The following ITFG1 variants were observed in gnomAD, a reference collection of about 807,000 sequenced individuals.
ITFG1 encodes the protein T-cell immunomodulatory protein.
In ITFG1, 34 loss-of-function variants were observed where a neutral mutation model predicts 81.8. The observed-to-expected ratio is 0.42, with a 90% CI of 0.32 to 0.55. The LOEUF (loss-of-function observed/expected upper bound fraction) is 0.55. Ranked by LOEUF, ITFG1 falls within the 20% of genes least tolerant of loss-of-function variation. The pLI is 0.17. For synonymous variants in ITFG1, 285 were observed against 270.6 expected (o/e 1.05, Z -0.52); for missense variants, 672 against 755.4 (o/e 0.89, Z 1.29).
intron 13 of ITFG1, among the ~76,000 whole-genome samples, chr16:47,231,508 A>G (rs1157340275): frequency 6.6e-6 from 1 of 152,220 alleles, no homozygotes; most frequent in Non-Finnish European, 1.5e-5. Context: ...TATTTCATAA[A>G]TTTGTGATGT....
At chr16:47,332,084 C>T (rs1967644278) in intron 8 of ITFG1, among the ~76,000 whole-genome samples, 2 of 152,118 alleles carry the variant, frequency 1.3e-5, no homozygotes, top group Non-Finnish European at 2.9e-5. Flanking sequence ...TTTTCTCACT[C>T]TGACTAAATC....
intron 16 of ITFG1, chr16:47,161,408 A>G (rs935920330): frequency 1.2e-5 from 2 of 164,808 alleles, no homozygotes; most frequent in Admixed American, 5.9e-5. Flanking sequence ...CTTCTCAAAT[A>G]ATTTATTTAA....
intron 6 of ITFG1, among the ~76,000 whole-genome samples, chr16:47,376,377 T>C (rs1419852094): frequency 1.3e-5 from 2 of 152,194 alleles, no homozygotes; most frequent in Non-Finnish European, 2.9e-5. Flanking sequence ...CCAAAAGTTT[T>C]TGCACTCATG....
intron 6 of ITFG1, among the ~76,000 whole-genome samples, chr16:47,378,813 A>G (rs1968359724): frequency 6.6e-6 from 1 of 152,210 alleles, no homozygotes; most frequent in African/African-American, 2.4e-5. Context: ...TCAGACTTTG[A>G]ATGAAATGGG....
chr16:47,420,672 G>A (rs1223266340), intron 6 of ITFG1, among the ~76,000 whole-genome samples: 3 of 152,090 alleles, frequency 2.0e-5, no homozygotes, highest in African/African-American at 4.8e-5. Flanking sequence ...CCTCTCTCTC[G>A]TGTCCTATTT....
At chr16:47,226,906 T>TA (rs1451743752) in intron 13 of ITFG1, among the ~76,000 whole-genome samples, 1 of 152,180 alleles carries the variant, frequency 6.6e-6, no homozygotes, top group East Asian at 1.9e-4. Flanking sequence ...TATGTTAATA[T>TA]AATGGGTTAT....
At chr16:47,183,504 G>A (rs1308623030) in intron 14 of ITFG1, among the ~76,000 whole-genome samples, 2 of 152,206 alleles carry the variant, frequency 1.3e-5, no homozygotes, top group East Asian at 3.9e-4. Context: ...GCCTAACTGG[G>A]AGGCACCGCC....
chr16:47,382,573 G>T (rs1968408603), intron 6 of ITFG1, among the ~76,000 whole-genome samples: 1 of 150,368 alleles, frequency 6.7e-6, no homozygotes, highest in Non-Finnish European at 1.5e-5. Context: ...AGGCACACAA[G>T]GCTGAAATCA....
At chr16:47,237,604 T>C (rs973860700) in intron 13 of ITFG1, among the ~76,000 whole-genome samples, 1 of 152,204 alleles carries the variant, frequency 6.6e-6, no homozygotes, top group African/African-American at 2.4e-5. Context: ...CTGCGACCTA[T>C]ACCAGGTACA....
chr16:47,209,917 G>A (rs1965545093), intron 14 of ITFG1, among the ~76,000 whole-genome samples: 1 of 152,118 alleles, frequency 6.6e-6, no homozygotes, highest in Non-Finnish European at 1.5e-5. Flanking sequence ...GTGTTTCATG[G>A]CATGGATGTA....
At chr16:47,391,070 C>T (rs555803791) in intron 6 of ITFG1, among the ~76,000 whole-genome samples, 19 of 152,076 alleles carry the variant, frequency 1.2e-4, no homozygotes, top group African/African-American at 4.6e-4. Context: ...AAGAAAGTTT[C>T]ATCAGGCTTT....
rs147602921 is a variant in ITFG1, at chr16:47,392,551, A to C, written c.656-16611T>G. ...TTTACACATTATGGTATAGACTGCAAAGAACACAGGTTTGGGAATCAGAGT... is the reference window on the plus strand; with the variant it reads ...TTTACACATTATGGTATAGACTGCACAGAACACAGGTTTGGGAATCAGAGT... On this transcript the variant is annotated intron_variant, in intron 6 of 17. Coordinates refer to ENST00000320640, the MANE Select transcript of ITFG1 (RefSeq NM_030790.5). 8.5e-4 allele frequency among the ~76,000 whole-genome samples: 130 copies of C among 152,334 alleles called. 1 individual carries two copies. The highest frequency in any genetic ancestry group is 3.0e-3 in the African/African-American group (124 of 41,578).
intron 15 of ITFG1, 98 bp downstream of exon 15, chr16:47,162,442 A>T: frequency 9.4e-7 from 1 of 1,069,020 alleles, no homozygotes; most frequent in Non-Finnish European, 1.3e-6. Context: ...GGTTTATTTG[A>T]ATTCAAATTC....
At chr16:47,210,415 A>G (rs1436356494) in intron 14 of ITFG1, among the ~76,000 whole-genome samples, 1 of 152,122 alleles carries the variant, frequency 6.6e-6, no homozygotes, top group Non-Finnish European at 1.5e-5. Context: ...TATATTATAG[A>G]TATTGAACCT....
At chr16:47,182,933 A>C (rs538395445) in intron 14 of ITFG1, among the ~76,000 whole-genome samples, 1 of 152,350 alleles carries the variant, frequency 6.6e-6, no homozygotes, top group South Asian at 2.1e-4. Flanking sequence ...GAGCGGAAGC[A>C]GGGCGAGCCA....
At chr16:47,363,895 C>CA (rs1968141894) in intron 8 of ITFG1, among the ~76,000 whole-genome samples, 1 of 152,048 alleles carries the variant, frequency 6.6e-6, no homozygotes, top group Admixed American at 6.6e-5. Context: ...GACTTCTTGT[C>CA]ACTTACATCA....
chr16:47,442,481 C>T lies in ITFG1; in HGVS notation c.560+8915G>A, dbSNP rs547293042. ...CAAAAGAACAAAGCTGGAGGCATCACGCTACCTGACTTCAAACTATACTAC... is the reference window on the plus strand; with the variant it reads ...CAAAAGAACAAAGCTGGAGGCATCATGCTACCTGACTTCAAACTATACTAC... On this transcript the variant is annotated intron_variant, in intron 5 of 17. Transcript: ENST00000320640. Among the ~76,000 whole-genome samples the T allele has an allele frequency of 4.7e-3, 712 of 152,256 alleles. 4 individuals carry two copies. Among genetic ancestry groups the T allele is most frequent in the Middle Eastern group, 0.01 (3 of 294 alleles).
At chr16:47,230,824 C>G (rs560168246) in intron 13 of ITFG1, among the ~76,000 whole-genome samples, 2 of 152,344 alleles carry the variant, frequency 1.3e-5, no homozygotes, top group South Asian at 4.1e-4. Flanking sequence ...TCTCGGCTCA[C>G]TGTAAGCTCC....
At chr16:47,198,988 T>C (rs1206820933) in intron 14 of ITFG1, among the ~76,000 whole-genome samples, 2 of 152,148 alleles carry the variant, frequency 1.3e-5, no homozygotes, top group Non-Finnish European at 2.9e-5. Flanking sequence ...ACAAATTTAG[T>C]GTAGGCTGGA....
Sources: gnomAD v4.1 joint callset for allele counts (sites outside exome capture counted in the v4.1 genomes callset) on GRCh38, gnomAD v4.1.1 for gene constraint, MANE v1.5 for transcripts, NCBI Gene and HGNC (gene_info 2026-07-23, HGNC 2026-07-21) for gene names.